The following MCM9 variants were observed in gnomAD, a reference collection of about 807,000 sequenced individuals.
MCM9 encodes DNA helicase MCM9.
In MCM9, 55 loss-of-function variants were observed where a neutral mutation model predicts 72.8. The ratio of observed to expected loss-of-function variants is 0.76; its 90% CI spans 0.61 to 0.95. The LOEUF (loss-of-function observed/expected upper bound fraction) is 0.95. Among genes scored for constraint, MCM9 ranks in the 40% least tolerant of loss-of-function variants. MCM9 has a pLI of 0.00. For synonymous variants in MCM9, 480 were observed against 503.4 expected, an observed-to-expected ratio of 0.95 and a Z score of 0.62; for missense variants, 1,279 against 1,377.0, an observed-to-expected ratio of 0.93 and a Z score of 1.13.
At chr6:118,917,157 C>T (rs1781031332) in intron 6 of MCM9, among the ~76,000 whole-genome samples, 1 of 152,142 alleles carries the variant, frequency 6.6e-6, no homozygotes, top group African/African-American at 2.4e-5. Context: ...GTTTTAAAAT[C>T]TTCAGCCAAA....
Position 118,826,293 on chromosome 6 carries a change from C to A in MCM9, c.1816-1G>T. 6.5e-7 allele frequency: 1 copy of A among 1,548,672 alleles called. No individual in the cohort carries two copies. Among genetic ancestry groups the A allele is most frequent in the Non-Finnish European group, 8.7e-7 (1 of 1,146,134 alleles). On this transcript the variant is annotated splice_acceptor_variant, in intron 12 of 13. Transcript: ENST00000619706. LOFTEE classifies it high-confidence loss of function. ...TCACACCTCCTAGCAGTGCACCTCC[C>A]TGAAGGGGTGAGAAAATACCAGGAG...
intron 8 of MCM9, among the ~76,000 whole-genome samples, chr6:118,906,877 ACC>A (rs1780216877): frequency 6.6e-6 from 1 of 152,160 alleles, no homozygotes; most frequent in African/African-American, 2.4e-5. Context: ...ACTATTTTTC[ACC>A]CTTGTTGTAC....
intron 8 of MCM9, among the ~76,000 whole-genome samples, chr6:118,859,842 A>T (rs1776793486): frequency 6.6e-6 from 1 of 152,200 alleles, no homozygotes; most frequent in Non-Finnish European, 1.5e-5. Flanking sequence ...TACCTGGAAG[A>T]AGGGCAATAT....
At chr6:118,820,785 C>G (rs929019614) in intron 13 of MCM9, among the ~76,000 whole-genome samples, 8 of 151,672 alleles carry the variant, frequency 5.3e-5, no homozygotes, top group African/African-American at 1.7e-4. Flanking sequence ...CTAAGGACTT[C>G]TTTTATGAAT....
chr6:118,846,418 C>A (rs1007980494), intron 9 of MCM9, among the ~76,000 whole-genome samples: 4 of 151,776 alleles, frequency 2.6e-5, no homozygotes, highest in Admixed American at 1.3e-4. Flanking sequence ...GGGCCTCATG[C>A]TGGAGAACAC....
chr6:118,869,049 T>C (rs964433102), intron 8 of MCM9, among the ~76,000 whole-genome samples: 3 of 152,032 alleles, frequency 2.0e-5, no homozygotes, highest in Non-Finnish European at 2.9e-5. Context: ...ATTAAGAAAA[T>C]GTGGCACATA....
intron 8 of MCM9, among the ~76,000 whole-genome samples, chr6:118,893,845 C>CAA (rs750220069): frequency 0.032 from 1,795 of 56,722 alleles, 41 homozygotes; most frequent in African/African-American, 0.066. Context: ...ACCAAAAAAA[C>CAA]AAAAAAAAAA....
chr6:118,857,242 T>C (rs954633685), intron 8 of MCM9, among the ~76,000 whole-genome samples: 4 of 152,188 alleles, frequency 2.6e-5, no homozygotes, highest in African/African-American at 7.2e-5. Context: ...ATAGTAATTA[T>C]TACATTCCAA....
intron 2 of MCM9, 48 bp from the exon 3 acceptor site, chr6:118,931,786 T>C (rs1583717768): frequency 5.0e-6 from 7 of 1,390,928 alleles, no homozygotes; most frequent in East Asian, 5.0e-5. Flanking sequence ...ACTCAAGATG[T>C]ACACACAATT....
At chr6:118,834,914 A>G (rs138860915) in intron 9 of MCM9, among the ~76,000 whole-genome samples, 8,721 of 152,230 alleles carry the variant, frequency 0.057, 363 homozygotes, top group East Asian at 0.19. Context: ...TGTTTTAGTC[A>G]TGAAGTCTTT....
intron 8 of MCM9, chr6:118,907,788 T>A: frequency 1.8e-6 from 1 of 541,494 alleles, no homozygotes; most frequent in South Asian, 2.9e-5. Context: ...TAAATACAAC[T>A]ATTTTTAAGT....
chr6:118,877,751 G>T (rs1778027664), intron 8 of MCM9, among the ~76,000 whole-genome samples: 1 of 152,176 alleles, frequency 6.6e-6, no homozygotes. Context: ...GTAAAAGAGG[G>T]CTCATCATAA....
At chr6:118,875,141 A>G (rs1254240363) in intron 8 of MCM9, among the ~76,000 whole-genome samples, 2 of 152,170 alleles carry the variant, frequency 1.3e-5, no homozygotes, top group African/African-American at 4.8e-5. Flanking sequence ...CAAAATTACC[A>G]TTTACATTAG....
intron 8 of MCM9, among the ~76,000 whole-genome samples, chr6:118,905,105 G>A (rs1296325475): frequency 1.3e-5 from 2 of 152,042 alleles, no homozygotes; most frequent in Non-Finnish European, 2.9e-5. Flanking sequence ...CAAAGTGCTG[G>A]GATTACAAGT....
intron 8 of MCM9, among the ~76,000 whole-genome samples, chr6:118,886,690 C>T (rs745628331): frequency 2.0e-5 from 3 of 152,128 alleles, no homozygotes; most frequent in African/African-American, 4.8e-5. Context: ...TGTAGTGGCT[C>T]ACGCTGTAAT....
At chr6:118,828,925 T>C (rs1774348924) in intron 10 of MCM9, 123 bp downstream of exon 10, 12 of 998,778 alleles carry the variant, frequency 1.2e-5, no homozygotes, top group Non-Finnish European at 1.7e-5. Context: ...GTCTAAGCTT[T>C]TCTCTATTGC....
At chr6:118,883,584 A>G (rs1240119399) in intron 8 of MCM9, among the ~76,000 whole-genome samples, 1 of 152,164 alleles carries the variant, frequency 6.6e-6, no homozygotes, top group African/African-American at 2.4e-5. Context: ...TTTTAAATCA[A>G]TAAGAGAACA....
intron 9 of MCM9, among the ~76,000 whole-genome samples, chr6:118,843,708 G>GTGTATA (rs1562407292): frequency 3.6e-4 from 21 of 59,146 alleles, no homozygotes; most frequent in African/African-American, 1.7e-3. Flanking sequence ...ATATATGTAT[G>GTGTATA]TATATATATA....
intron 13 of MCM9, among the ~76,000 whole-genome samples, chr6:118,824,966 G>A (rs1404867785): frequency 6.6e-6 from 1 of 152,098 alleles, no homozygotes; most frequent in Admixed American, 6.5e-5. Context: ...ATACTCTTTC[G>A]TTTTTCCTTT....
Sources: gnomAD v4.1 joint callset for allele counts (sites outside exome capture counted in the v4.1 genomes callset) on GRCh38, gnomAD v4.1.1 for gene constraint, MANE v1.5 for transcripts, NCBI Gene and HGNC (gene_info 2026-07-23, HGNC 2026-07-21) for gene names.